MGAT5: variants seen among roughly 807,000 people sequenced by gnomAD.
MGAT5 encodes the protein alpha-1,6-mannosylglycoprotein 6-beta-N-acetylglucosaminyltransferase A.
MGAT5 carries 30 observed loss-of-function variants against 94.3 expected under a neutral mutation model. That is an observed-to-expected ratio of 0.32 (90% CI 0.24 to 0.43). The LOEUF (loss-of-function observed/expected upper bound fraction) is 0.43. MGAT5 is among the 20% of genes least tolerant of loss of function. The pLI is 1.00. For synonymous variants in MGAT5, 310 were observed against 322.9 expected (o/e 0.96, Z 0.43); for missense variants, 691 against 905.5 (o/e 0.76, Z 3.04).
chr2:134,386,531 T>A (rs771986575), intron 10 of MGAT5, among the ~76,000 whole-genome samples: 1 of 152,252 alleles, frequency 6.6e-6, no homozygotes, highest in Non-Finnish European at 1.5e-5. Flanking sequence ...TCAACTGTCA[T>A]CTTAGTAATT....
intron 2 of MGAT5, among the ~76,000 whole-genome samples, chr2:134,283,798 T>C (rs1339055922): frequency 6.6e-6 from 1 of 151,804 alleles, no homozygotes; most frequent in Non-Finnish European, 1.5e-5. Context: ...GTCCTGTTCT[T>C]AACAGGAGAA....
At chr2:134,243,350 C>T (rs1453589881) in intron 1 of MGAT5, among the ~76,000 whole-genome samples, 3 of 152,124 alleles carry the variant, frequency 2.0e-5, no homozygotes, top group African/African-American at 7.2e-5. Context: ...GGGCAAGAAA[C>T]TCTCCTGAGA....
chr2:134,375,268 C>T (rs77210230), intron 10 of MGAT5, among the ~76,000 whole-genome samples: 1,720 of 152,304 alleles, frequency 0.011, 9 homozygotes, highest in Non-Finnish European at 0.016. Context: ...TGAATTACAT[C>T]ATGTATTGTA....
At chr2:134,294,500 G>A (rs4954126) in intron 2 of MGAT5, among the ~76,000 whole-genome samples, 142,528 of 152,180 alleles carry the variant, frequency 0.94, 67,108 homozygotes, top group Non-Finnish European at 0.99. Context: ...CAAGTTCTGT[G>A]TAAGGGGATT....
At chr2:134,360,384 A>G (rs1367749403) in intron 9 of MGAT5, among the ~76,000 whole-genome samples, 3 of 152,034 alleles carry the variant, frequency 2.0e-5, no homozygotes, top group African/African-American at 7.2e-5. Context: ...GAATCATTTT[A>G]TTTTTTACTA....
rs546542381 is a variant in MGAT5 at position 134,358,058 on chromosome 2, T to C, written c.1247-4217T>C. Among the ~76,000 whole-genome samples the C allele has an allele frequency of 2.0e-5, 3 of 152,284 alleles. No individual in the cohort carries two copies. In the South Asian group the frequency reaches 6.2e-4, roughly 32 times the overall value. ...ACAATCAGTATTCTTCTTCAGTATT[T>C]TAAATGATGTTTTCAGCCATACAAA... On this transcript the variant is annotated intron_variant, in intron 9 of 15. Transcript: ENST00000281923.
At chr2:134,331,289 C>A (rs1187108773) in intron 4 of MGAT5, among the ~76,000 whole-genome samples, 3 of 152,120 alleles carry the variant, frequency 2.0e-5, no homozygotes, top group Admixed American at 6.6e-5. Flanking sequence ...AGGGTCCTTT[C>A]CATGGAATGT....
chr2:134,444,552 C>T, intron 15 of MGAT5, among the ~76,000 whole-genome samples: 1 of 152,232 alleles, frequency 6.6e-6, no homozygotes, highest in East Asian at 1.9e-4. Context: ...TATTGAGTGC[C>T]TCCTCAGTGT....
At chr2:134,208,049 G>T (rs906019300) in intron 1 of MGAT5, among the ~76,000 whole-genome samples, 1 of 152,058 alleles carries the variant, frequency 6.6e-6, no homozygotes, top group African/African-American at 2.4e-5. Context: ...TGCTATCATT[G>T]TAGTGAGGCC....
intron 1 of MGAT5, among the ~76,000 whole-genome samples, chr2:134,172,070 G>T (rs1688236793): frequency 6.6e-6 from 1 of 152,184 alleles, no homozygotes; most frequent in Non-Finnish European, 1.5e-5. Context: ...TTAGTGAAGT[G>T]ACTGGAGCAG....
chr2:134,312,267 T>C (rs943912934), intron 2 of MGAT5, among the ~76,000 whole-genome samples: 2 of 152,036 alleles, frequency 1.3e-5, no homozygotes, highest in African/African-American at 4.8e-5. Context: ...AAAAAATCTC[T>C]CATACAACCA....
intron 13 of MGAT5, among the ~76,000 whole-genome samples, chr2:134,426,732 T>TA (rs149670744): frequency 0.073 from 11,010 of 150,260 alleles, 535 homozygotes; most frequent in Middle Eastern, 0.15. Flanking sequence ...GAAAAAATTT[T>TA]ACATTTTGTG....
chr2:134,206,358 T>A (rs1680021157), intron 1 of MGAT5, among the ~76,000 whole-genome samples: 1 of 152,210 alleles, frequency 6.6e-6, no homozygotes, highest in African/African-American at 2.4e-5. Context: ...GATGCTGATG[T>A]GAATAGTAGG....
At chr2:134,258,668 G>A (rs979243501) in intron 1 of MGAT5, among the ~76,000 whole-genome samples, 1 of 152,104 alleles carries the variant, frequency 6.6e-6, no homozygotes, top group Non-Finnish European at 1.5e-5. Flanking sequence ...GTTTGGATTC[G>A]CTCACGACAT....
At chr2:134,174,312 G>A (rs1688356492) in intron 1 of MGAT5, among the ~76,000 whole-genome samples, 1 of 152,252 alleles carries the variant, frequency 6.6e-6, no homozygotes, top group South Asian at 2.1e-4. Flanking sequence ...CAGTGGATCT[G>A]AGAAACACAT....
At chr2:134,249,690 A>ATGCTGCTGAGTATGGATAC (rs1219074993), upstream of MGAT5, among the ~76,000 whole-genome samples, 1 of 152,256 alleles carries the variant, frequency 6.6e-6, no homozygotes, top group African/African-American at 2.4e-5. Context: ...ATTATGGATA[A>ATGCTGCTGAGTATGGATAC]TGCTGCTGAG....
At chr2:134,313,505 G>C (rs1176753555) in intron 2 of MGAT5, among the ~76,000 whole-genome samples, 1 of 152,126 alleles carries the variant, frequency 6.6e-6, no homozygotes, top group Non-Finnish European at 1.5e-5. Flanking sequence ...GGGGAAAGAT[G>C]TTGCAACCTG....
intron 11 of MGAT5, among the ~76,000 whole-genome samples, chr2:134,403,660 G>C (rs541397695): frequency 6.6e-6 from 1 of 152,370 alleles, no homozygotes; most frequent in South Asian, 2.1e-4. Flanking sequence ...AGAGATGAAA[G>C]ATGGATGGAG....
chr2:134,218,465 G>A (rs190539513), intron 1 of MGAT5, among the ~76,000 whole-genome samples: 2 of 152,298 alleles, frequency 1.3e-5, no homozygotes, highest in East Asian at 3.9e-4. Flanking sequence ...ACTGATGCAG[G>A]GGGCAGGGTG....
Sources: gnomAD v4.1 joint callset for allele counts (sites outside exome capture counted in the v4.1 genomes callset) on GRCh38, gnomAD v4.1.1 for gene constraint, MANE v1.5 for transcripts, NCBI Gene and HGNC (gene_info 2026-07-23, HGNC 2026-07-21) for gene names.